Variants in TJP2 observed in about 807,000 individuals in gnomAD.
The protein encoded by TJP2 is Friedreich ataxia region gene X104 (tight junction protein ZO-2).
A neutral mutation model predicts 133.1 loss-of-function variants in TJP2; 91 were observed. That is an observed-to-expected ratio of 0.68 (90% CI 0.58 to 0.81). The LOEUF (loss-of-function observed/expected upper bound fraction) is 0.81. Ranked by LOEUF, TJP2 falls within the 40% of genes least tolerant of loss-of-function variation. The pLI, the probability that TJP2 is intolerant of heterozygous loss-of-function variation, is 0.00. For missense variants in TJP2, 1,541 were observed against 1,565.6 expected (o/e 0.98, Z 0.26); for synonymous variants, 592 against 583.4 (o/e 1.01, Z -0.21).
At chr9:69,222,853 G>C (rs1334283123) in intron 5 of TJP2, among the ~76,000 whole-genome samples, 1 of 151,784 alleles carries the variant, frequency 6.6e-6, no homozygotes, top group Non-Finnish European at 1.5e-5. Context: ...CGGATGACTT[G>C]AGGTCAGGAG....
At chr9:69,159,241 C>T (rs972251570) in intron 2 of TJP2, among the ~76,000 whole-genome samples, 4 of 151,902 alleles carry the variant, frequency 2.6e-5, no homozygotes, top group Non-Finnish European at 5.9e-5. Context: ...ACATCACTTG[C>T]GACCAGGAGG....
intron 3 of TJP2, 116 bp downstream of exon 3, chr9:69,216,579 T>A (rs540323300): frequency 5.2e-6 from 6 of 1,164,764 alleles, no homozygotes; most frequent in African/African-American, 1.6e-5. Context: ...CAAACTTTTA[T>A]ATAATATTTG....
intron 1 of TJP2, among the ~76,000 whole-genome samples, chr9:69,147,836 T>C (rs1166476299): frequency 1.3e-5 from 2 of 152,172 alleles, no homozygotes; most frequent in Admixed American, 6.5e-5. Flanking sequence ...TGAAATAGCA[T>C]TGGATCAGAG....
intron 2 of TJP2, among the ~76,000 whole-genome samples, chr9:69,166,058 A>G (rs1381702572): frequency 8.5e-5 from 13 of 152,094 alleles, no homozygotes; most frequent in Admixed American, 2.6e-4. Flanking sequence ...AGTCTAGGGC[A>G]CCCCAGCTTC....
rs751353708 is a variant in TJP2, at chr9:69,163,024, TATTTTA to T, written c.-10+11254_-10+11259del. Among the ~76,000 whole-genome samples, 12 of 90,320 alleles carry T rather than the reference TATTTTA, an allele frequency of 1.3e-4. No individual in the cohort carries two copies. In the South Asian group the frequency reaches 1.6e-3, roughly 12 times the overall value. The allele number at this position is 90,320 out of a possible 152,430, so 59.3% of individuals were successfully genotyped here. On this transcript the variant is annotated intron_variant, in intron 2 of 5. Transcript: ENST00000423935. Reference sequence around the variant, plus strand: ...TATTTTTTAAAAAGTATCTTTATTTTATTTTATTTTTTTTTTTTTGAGACGGAGTCT... The same window carrying T: ...TATTTTTTAAAAAGTATCTTTATTTTTTTTTTTTTTTTTGAGACGGAGTCT...
Position 69,221,169 on chromosome 9 carries a change from C to G in TJP2, c.625C>G (p.His209Asp). The G allele has an allele frequency of 6.3e-7, 1 of 1,596,562 alleles. No individual in the cohort carries two copies. The highest frequency in any genetic ancestry group is 8.5e-7 in the Non-Finnish European group (1 of 1,171,164). The change falls in exon 5 of 23, where the codon CAT (histidine) becomes GAT (aspartate). Residue 209 changes from histidine (H) to aspartate (D), a missense_variant. His to Asp is a moderately conservative substitution (Grantham distance 81). Coordinates refer to ENST00000377245, the MANE Select transcript of TJP2 (RefSeq NM_004817.4). ...CCTGGAGCGGGGCCTGGACCAAGACCATGCGCGCACCCGAGACCGCAGCCG... is the reference window on the plus strand; with the variant it reads ...CCTGGAGCGGGGCCTGGACCAAGACGATGCGCGCACCCGAGACCGCAGCCG... Reference protein sequence around the residue: ...RSLERGLDQDHARTRDRSRGR... With the variant: ...RSLERGLDQDDARTRDRSRGR...
At chr9:69,229,863 A>G (rs189212501) in intron 10 of TJP2, among the ~76,000 whole-genome samples, 94 of 152,270 alleles carry the variant, frequency 6.2e-4, no homozygotes, top group South Asian at 1.9e-3. Flanking sequence ...CTATAATTCT[A>G]TGTCTTCACC....
chr9:69,164,692 A>C (rs1824257150), intron 2 of TJP2, among the ~76,000 whole-genome samples: 1 of 152,232 alleles, frequency 6.6e-6, no homozygotes, highest in Non-Finnish European at 1.5e-5. Context: ...TGTTAAAAGA[A>C]GCTAAAAGGA....
At chr9:69,122,583 A>G (rs1164652360) in intron 1 of TJP2, among the ~76,000 whole-genome samples, 4 of 152,234 alleles carry the variant, frequency 2.6e-5, no homozygotes, top group African/African-American at 7.2e-5. Flanking sequence ...AGGTTCTTCT[A>G]TAGGGAGCTC....
rs756995083 is a variant in TJP2 at position 69,230,044 on chromosome 9, T to C, written c.1521-38T>C. 28 of 1,612,800 alleles carry C rather than the reference T, an allele frequency of 1.7e-5. No homozygotes were observed. The East Asian group carries it at 4.0e-4, about 23-fold the overall frequency. Reference sequence around the variant, plus strand: ...ATGTTGTTCTCCCTTTTAAAAAATATCTCCCATCTTTCCTTTCTGAAACGG... The same window carrying C: ...ATGTTGTTCTCCCTTTTAAAAAATACCTCCCATCTTTCCTTTCTGAAACGG... On this transcript the variant is annotated intron_variant, in intron 10 of 22. Coordinates refer to ENST00000377245, the MANE Select transcript of TJP2 (RefSeq NM_004817.4).
intron 2 of TJP2, among the ~76,000 whole-genome samples, chr9:69,213,637 C>T (rs989980014): frequency 2.0e-5 from 3 of 152,204 alleles, no homozygotes; most frequent in Non-Finnish European, 4.4e-5. Flanking sequence ...TGCCCAGGTA[C>T]CCAGACTTCC....
chr9:69,214,642 G>GT (rs1563917819), intron 2 of TJP2, among the ~76,000 whole-genome samples: 1 of 152,008 alleles, frequency 6.6e-6, no homozygotes, highest in African/African-American at 2.4e-5. Context: ...GCAGAGACAG[G>GT]TGGATCACAA....
intron 1 of TJP2, among the ~76,000 whole-genome samples, chr9:69,191,163 G>C (rs1316341106): frequency 6.6e-6 from 1 of 152,218 alleles, no homozygotes; most frequent in African/African-American, 2.4e-5. Flanking sequence ...TTTCAATGTA[G>C]TAAGGTGACC....
At chr9:69,121,342 A>G, upstream of TJP2, 1 of 985,174 alleles carries the variant, frequency 1.0e-6, no homozygotes, top group Non-Finnish European at 1.2e-6. Flanking sequence ...GCGCGCCCAG[A>G]ACCCTCCGGT....
chr9:69,236,356 C>T, intron 13 of TJP2, 118 bp downstream of exon 13: 3 of 1,000,354 alleles, frequency 3.0e-6, no homozygotes, highest in Non-Finnish European at 4.5e-6. Context: ...TACTTGTCAC[C>T]ATCTATTTCT....
At position 69,204,995 on chromosome 9, in the gene TJP2, G is replaced by A. The variant is rs951163397; in HGVS notation, c.61-7553G>A. 189 of 1,361,212 alleles carry A rather than the reference G, an allele frequency of 1.4e-4. 1 individual carries two copies. The highest frequency in any genetic ancestry group is 1.1e-4 in the Non-Finnish European group (115 of 1,060,348). 84.3% of individuals were successfully genotyped at this position (1,361,212 alleles called of 1,614,324 possible). ...GCTCATAAGTAGTGCTTTTCAAAGCGTTTGGCATCCCTGCCATATGGATGT... is the reference window on the plus strand; with the variant it reads ...GCTCATAAGTAGTGCTTTTCAAAGCATTTGGCATCCCTGCCATATGGATGT... On this transcript the variant is annotated intron_variant, in intron 1 of 22. Transcript: ENST00000377245.
intron 1 of TJP2, among the ~76,000 whole-genome samples, chr9:69,210,438 A>G (rs1827806650): frequency 2.0e-5 from 3 of 152,206 alleles, no homozygotes; most frequent in South Asian, 4.1e-4. Flanking sequence ...GTTGTAGCAG[A>G]TAATGGGACA....
rs73449129 is a variant in TJP2, at chr9:69,152,546, G to A, written c.-10+775G>A. ...GCACACTCCAGAAGAGCAGATAGTC[G>A]TTCAGATCCTAGTCCTGCTGCCTTC... On this transcript the variant is annotated intron_variant, in intron 2 of 5. Coordinates refer to the TJP2 transcript ENST00000423935. Among the ~76,000 whole-genome samples, 965 of 152,162 alleles carry A rather than the reference G, an allele frequency of 6.3e-3. 18 individuals are homozygous for A. Among genetic ancestry groups the A allele is most frequent in the African/African-American group, 0.022 (907 of 41,508 alleles).
intron 15 of TJP2, 49 bp downstream of exon 15, chr9:69,238,022 T>C (rs1276229514): frequency 1.7e-5 from 23 of 1,377,282 alleles, no homozygotes; most frequent in Non-Finnish European, 2.4e-5. Context: ...TTTTGAAAAA[T>C]TTCTAACAGA....
Sources: allele counts gnomAD v4.1 joint callset (sites outside exome capture counted in the v4.1 genomes callset), GRCh38; gene constraint gnomAD v4.1.1; transcripts MANE v1.5; gene names NCBI Gene and HGNC (gene_info 2026-07-23, HGNC 2026-07-21).